The following XIRP2 variants were observed in gnomAD, a reference collection of about 807,000 sequenced individuals.
XIRP2 encodes xin actin-binding repeat-containing protein 2.
A neutral mutation model predicts 277.0 loss-of-function variants in XIRP2; 236 were observed. The ratio of observed to expected loss-of-function variants is 0.85; its 90% CI spans 0.77 to 0.95. XIRP2 has a LOEUF of 0.95. XIRP2 is among the 40% of genes least tolerant of loss of function. XIRP2 has a pLI of 0.00. For missense variants in XIRP2, 4,640 were observed against 4,157.5 expected (o/e 1.12, Z -3.19); for synonymous variants, 1,490 against 1,416.5 (o/e 1.05, Z -1.17).
At chr2:167,049,581 T>G (rs1688868541) in intron 2 of XIRP2, among the ~76,000 whole-genome samples, 1 of 152,026 alleles carries the variant, frequency 6.6e-6, no homozygotes, top group Non-Finnish European at 1.5e-5. Flanking sequence ...TATTGAAATA[T>G]TTTCATGGGT....
rs779443993 is a variant in XIRP2, at chr2:167,250,786, C to T, written c.9394C>T (p.Arg3132Ter). 24 of 1,613,394 alleles carry T rather than the reference C, an allele frequency of 1.5e-5. No homozygotes were observed. In the Admixed American group the frequency reaches 3.0e-4, roughly 20 times the overall value. Residue 3132 changes from arginine (R) to a stop codon, truncating the protein, a stop_gained, in exon 9 of 11, where the codon CGA (arginine) becomes TGA (stop). Transcript: ENST00000409195. LOFTEE classifies it high-confidence loss of function. ...TFITIESTAR[R>*]TENPTKNELS... is the part of the protein sequence containing the mutation. ...TATCACAATAGAATCTACTGCCCGA[C>T]GAACAGAAAACCCTACTAAGAACGA... is the stretch of plus-strand genomic sequence containing the variant.
At chr2:166,971,114 C>G (rs1686564749) in intron 2 of XIRP2, among the ~76,000 whole-genome samples, 2 of 151,930 alleles carry the variant, frequency 1.3e-5, no homozygotes, top group African/African-American at 4.8e-5. Context: ...ATTAGATGCT[C>G]TCTTAAGAGT....
intron 2 of XIRP2, among the ~76,000 whole-genome samples, chr2:167,019,191 G>T (rs1326158755): frequency 6.6e-6 from 1 of 151,966 alleles, no homozygotes; most frequent in Admixed American, 6.6e-5. Flanking sequence ...GGAGATTTAA[G>T]ACTTCAAAGT....
chr2:167,251,376 C>T lies in XIRP2; in HGVS notation c.9984C>T (p.Asp3328=), dbSNP rs1235619805. The T allele has an allele frequency of 3.7e-6, 6 of 1,613,516 alleles. No individual in the cohort carries two copies. The South Asian group carries it at 6.6e-5, about 18-fold the overall frequency. The part of the protein sequence containing the change: ...TVQMAENFVN[D]PENEINRWFR... ...AAATGGCTGAAAATTTCGTGAATGA[C>T]CCTGAAAATGAAATAAACAGATGGT... The change falls in exon 9 of 11, where the codon GAC becomes GAT. Residue 3328 remains aspartate (D), a synonymous_variant. Transcript: ENST00000409195.
At chr2:166,964,400 A>AT in intron 2 of XIRP2, among the ~76,000 whole-genome samples, 1 of 151,894 alleles carries the variant, frequency 6.6e-6, no homozygotes, top group South Asian at 2.1e-4. Flanking sequence ...CTAGCTCTAT[A>AT]TTTTTTTAAG....
At chr2:166,950,594 G>A (rs888276974) in intron 2 of XIRP2, among the ~76,000 whole-genome samples, 1 of 152,082 alleles carries the variant, frequency 6.6e-6, no homozygotes, top group Non-Finnish European at 1.5e-5. Context: ...CAACTGATTT[G>A]AAGATGGAAA....
intron 2 of XIRP2, among the ~76,000 whole-genome samples, chr2:167,004,833 C>A (rs1687465393): frequency 6.6e-6 from 1 of 151,854 alleles, no homozygotes; most frequent in Non-Finnish European, 1.5e-5. Context: ...AAGGCCAATC[C>A]ACCCATCTAA....
intron 2 of XIRP2, among the ~76,000 whole-genome samples, chr2:167,005,688 G>A (rs1395540024): frequency 1.3e-5 from 2 of 151,650 alleles, no homozygotes; most frequent in Non-Finnish European, 3.0e-5. Flanking sequence ...GGTTAGCATG[G>A]AGCAGGATGA....
chr2:166,951,963 G>C (rs1256995164), intron 2 of XIRP2, among the ~76,000 whole-genome samples: 2 of 152,010 alleles, frequency 1.3e-5, no homozygotes, highest in African/African-American at 4.8e-5. Flanking sequence ...CTACCACTCA[G>C]CGGTGTGGCT....
chr2:166,955,417 T>A (rs1194119965), intron 2 of XIRP2, among the ~76,000 whole-genome samples: 1 of 151,438 alleles, frequency 6.6e-6, no homozygotes, highest in African/African-American at 2.4e-5. Flanking sequence ...AGGTTGTGAG[T>A]ATGAGGGGCA....
intron 3 of XIRP2, among the ~76,000 whole-genome samples, chr2:167,162,742 T>C (rs1299901469): frequency 6.6e-6 from 1 of 152,220 alleles, no homozygotes; most frequent in African/African-American, 2.4e-5. Flanking sequence ...ACACAGCTCT[T>C]AAGTATACAT....
At position 166,981,644 on chromosome 2, in the gene XIRP2, G is replaced by A. The variant is rs981288698; in HGVS notation, c.408+77754G>A. Among the ~76,000 whole-genome samples the A allele has an allele frequency of 8.6e-5, 13 of 151,846 alleles. 1 individual carries two copies. The highest frequency in any genetic ancestry group is 1.9e-4 in the East Asian group (1 of 5,142). ...GCGAACTCCTGAGCTCAGGCAATCC[G>A]CCTGCCTCGGCCTCCCAAAGTGCTG... On this transcript the variant is annotated intron_variant, in intron 2 of 10. Coordinates refer to ENST00000409195, the MANE Select transcript of XIRP2 (RefSeq NM_152381.6).
chr2:166,914,352 G>GT (rs1337318756), intron 2 of XIRP2, among the ~76,000 whole-genome samples: 2 of 151,924 alleles, frequency 1.3e-5, no homozygotes, highest in Non-Finnish European at 2.9e-5. Flanking sequence ...GTTTTGTTTT[G>GT]TTTTTTGAGA....
rs375712728 is a variant in XIRP2 at position 167,058,487 on chromosome 2, C to T, written c.409-77422C>T. 4.6e-5 allele frequency among the ~76,000 whole-genome samples: 7 copies of T among 152,200 alleles called. No homozygotes were observed. In the East Asian group the frequency reaches 7.7e-4, roughly 17 times the overall value. ...TCTTATGATTTTGTGATTTGACTGG[C>T]GAGATCTTCTGGTCTACTTGGTCTT... On this transcript the variant is annotated intron_variant, in intron 2 of 10. Coordinates refer to ENST00000409195, the MANE Select transcript of XIRP2 (RefSeq NM_152381.6).
At chr2:166,934,337 C>T (rs1258501705) in intron 2 of XIRP2, among the ~76,000 whole-genome samples, 6 of 151,996 alleles carry the variant, frequency 3.9e-5, no homozygotes, top group Non-Finnish European at 1.5e-5. Context: ...CTGAGGATGA[C>T]CTCCAACAAT....
intron 3 of XIRP2, among the ~76,000 whole-genome samples, chr2:167,188,117 C>A (rs536593634): frequency 6.6e-6 from 1 of 152,280 alleles, no homozygotes; most frequent in East Asian, 1.9e-4. Flanking sequence ...AAAAGCACTG[C>A]CAGTTGGATC....
intron 3 of XIRP2, among the ~76,000 whole-genome samples, chr2:167,161,088 A>G (rs768943908): frequency 1.3e-5 from 2 of 152,216 alleles, no homozygotes; most frequent in African/African-American, 2.4e-5. Flanking sequence ...TCTCACCTCC[A>G]GGTCATGCTG....
intron 2 of XIRP2, among the ~76,000 whole-genome samples, chr2:166,974,750 A>G (rs1315342225): frequency 1.3e-5 from 2 of 152,068 alleles, no homozygotes; most frequent in Admixed American, 1.3e-4. Context: ...TAGAACAAAT[A>G]TAAAAATATT....
rs1559038551 is a variant in XIRP2 at position 167,244,157 on chromosome 2, A to T, written c.2765A>T (p.Glu922Val). ...TGGATTTTTGAAACCCAACCTCTGG[A>T]AGACATTAGAAAAGATAAAAAGGAG... Reference protein sequence around the residue: ...QKWIFETQPLEDIRKDKKEYT... With the variant: ...QKWIFETQPLVDIRKDKKEYT... The change falls in exon 9 of 11, where the codon GAA becomes GTA. Residue 922 changes from glutamate to valine, a missense_variant. By Grantham distance (121) the Glu-to-Val change is moderately radical. Transcript: ENST00000409195. 6.2e-7 allele frequency: 1 copy of T among 1,613,976 alleles called. No individual in the cohort carries two copies.
Sources: gnomAD v4.1 joint callset for allele counts (sites outside exome capture counted in the v4.1 genomes callset) on GRCh38, gnomAD v4.1.1 for gene constraint, MANE v1.5 for transcripts, NCBI Gene and HGNC (gene_info 2026-07-23, HGNC 2026-07-21) for gene names.